The following PTPRM variants were observed in gnomAD, a reference collection of about 807,000 sequenced individuals.
PTPRM encodes receptor-type tyrosine-protein phosphatase mu.
Under a neutral mutation model 186.7 loss-of-function variants are expected in PTPRM, and 47 were observed. The ratio of observed to expected loss-of-function variants is 0.25; its 90% CI spans 0.20 to 0.32. The LOEUF (loss-of-function observed/expected upper bound fraction) is 0.32. Among genes scored for constraint, PTPRM ranks in the 10% least tolerant of loss-of-function variants. PTPRM has a pLI of 1.00. For synonymous variants in PTPRM, 668 were observed against 674.9 expected (o/e 0.99, Z 0.16); for missense variants, 1,494 against 1,865.0 (o/e 0.80, Z 3.66).
Position 8,076,558 on chromosome 18 carries a change from A to G in PTPRM, c.1545A>G (p.Leu515=), listed in dbSNP as rs758750378. 2 of 1,452,716 alleles carry G rather than the reference A, an allele frequency of 1.4e-6. No homozygotes were observed. The highest frequency in any genetic ancestry group is 1.9e-6 in the Non-Finnish European group (2 of 1,038,304). 90.0% of individuals were successfully genotyped at this position (1,452,716 alleles called of 1,614,324 possible). A position where few individuals can be genotyped will look rare whatever the true frequency, so the allele number is the denominator to read the frequency against. ...EPTQTYGVIT[L]YEITYKAVSS... ...CTCAAACATATGGTGTAATCACTTT[A>G]TATGAGGTAATATATATGTTTGTTA... is the stretch of plus-strand genomic sequence containing the variant. The change falls in exon 9 of 33, where the codon TTA becomes TTG. Residue 515 remains leucine (L), a synonymous_variant. Transcript: ENST00000580170.
intron 1 of PTPRM, among the ~76,000 whole-genome samples, chr18:7,771,657 A>C (rs1356850437): frequency 1.3e-5 from 2 of 152,218 alleles, no homozygotes; most frequent in African/African-American, 4.8e-5. Context: ...TAATTTCACC[A>C]TCAGATCTGG....
intron 7 of PTPRM, among the ~76,000 whole-genome samples, chr18:8,014,392 T>A (rs2084728527): frequency 1.3e-5 from 2 of 152,204 alleles, no homozygotes; most frequent in South Asian, 4.1e-4. Context: ...AGAAGTGACA[T>A]TTTCCTGGAT....
chr18:7,705,051 A>C (rs1438923504), intron 1 of PTPRM, among the ~76,000 whole-genome samples: 1 of 152,166 alleles, frequency 6.6e-6, no homozygotes, highest in African/African-American at 2.4e-5. Context: ...TTGAAAATAA[A>C]GTAAATGTGA....
intron 2 of PTPRM, among the ~76,000 whole-genome samples, chr18:7,882,983 A>G (rs1471145692): frequency 6.6e-6 from 1 of 152,236 alleles, no homozygotes; most frequent in Non-Finnish European, 1.5e-5. Context: ...GCATGTTCTT[A>G]TCAAAGAGTT....
intron 7 of PTPRM, among the ~76,000 whole-genome samples, chr18:8,050,461 T>C (rs2087402987): frequency 1.3e-5 from 2 of 151,954 alleles, no homozygotes. Flanking sequence ...TATTGAACTC[T>C]GATTAGTGAA....
rs1244097833 is a variant in PTPRM, at chr18:8,125,996, TATATATATATATATATATATA to T, written c.2167+11170_2167+11190del. ...GTATACATATATATATATATATATATATATATATATATATATATATATATATATATATTTTAAATCAGTAGA... is the reference window on the plus strand; with the variant it reads ...GTATACATATATATATATATATATATTATATATATATTTTAAATCAGTAGA... On this transcript the variant is annotated intron_variant, in intron 13 of 32. Transcript: ENST00000580170. Among the ~76,000 whole-genome samples the T allele has an allele frequency of 1.7e-3, 22 of 13,232 alleles. 2 individuals carry two copies. The highest frequency in any genetic ancestry group is 5.0e-3 in the South Asian group (2 of 402). The allele number at this position is 13,232 out of a possible 152,430, so 8.7% of individuals were successfully genotyped here.
chr18:7,964,030 A>G (rs1293774787), intron 7 of PTPRM, among the ~76,000 whole-genome samples: 1 of 152,156 alleles, frequency 6.6e-6, no homozygotes, highest in Non-Finnish European at 1.5e-5. Flanking sequence ...AATCTCTTAT[A>G]TATTTAGTAA....
chr18:8,314,847 AT>A lies in PTPRM; in HGVS notation c.2911del (p.Tyr971IlefsTer40). ...ACAAACTCAGACTATATCAATGGCA[AT>A]TATATCGATGTATGTATTTTATTAT... ...GDTNSDYING[N>X]YIDGYHRPNH... On this transcript the variant is annotated frameshift_variant, in exon 21 of 33. Coordinates refer to ENST00000580170, the MANE Select transcript of PTPRM (RefSeq NM_001105244.2). LOFTEE classifies it high-confidence loss of function. The A allele has an allele frequency of 6.3e-7, 1 of 1,589,020 alleles. No homozygotes were observed. The highest frequency in any genetic ancestry group is 1.3e-5 in the African/African-American group (1 of 74,464).
intron 22 of PTPRM, among the ~76,000 whole-genome samples, chr18:8,335,693 T>A (rs756887041): frequency 1.3e-5 from 2 of 152,142 alleles, no homozygotes; most frequent in African/African-American, 4.8e-5. Context: ...CCAAGAAAAT[T>A]TGGCTCTCCT....
intron 7 of PTPRM, among the ~76,000 whole-genome samples, chr18:8,013,292 C>T (rs574645187): frequency 1.4e-3 from 220 of 152,062 alleles, no homozygotes; most frequent in African/African-American, 4.9e-3. Flanking sequence ...GCTGGGGAAC[C>T]ACAGTTGAAA....
chr18:7,879,743 T>C (rs1244302313), intron 2 of PTPRM, among the ~76,000 whole-genome samples: 1 of 152,148 alleles, frequency 6.6e-6, no homozygotes, highest in Non-Finnish European at 1.5e-5. Flanking sequence ...CCTAGATTCA[T>C]GTGGAATTCT....
At chr18:8,314,890 ATTG>A (rs754672122) in intron 21 of PTPRM, 33 bp downstream of exon 21, 15 of 1,368,600 alleles carry the variant, frequency 1.1e-5, no homozygotes, top group Middle Eastern at 1.8e-4. Context: ...TTGATATATA[ATTG>A]TTGTACATAT....
intron 19 of PTPRM, among the ~76,000 whole-genome samples, chr18:8,289,539 T>TATATATACATATATATACAC (rs1458187817): frequency 5.5e-4 from 31 of 56,846 alleles, no homozygotes; most frequent in African/African-American, 3.7e-3. Flanking sequence ...TATATACACA[T>TATATATACATATATATACAC]ATATATATAT....
chr18:7,762,324 T>TG (rs2041812817), intron 1 of PTPRM, among the ~76,000 whole-genome samples: 1 of 151,538 alleles, frequency 6.6e-6, no homozygotes, highest in Non-Finnish European at 1.5e-5. Context: ...AAGCAGATGC[T>TG]GGGGGAGGGG....
chr18:8,213,113 C>T (rs2094029855), intron 14 of PTPRM, among the ~76,000 whole-genome samples: 1 of 152,198 alleles, frequency 6.6e-6, no homozygotes, highest in Non-Finnish European at 1.5e-5. Flanking sequence ...GCACCCTGTC[C>T]ACTTGCCTGT....
intron 1 of PTPRM, among the ~76,000 whole-genome samples, chr18:7,685,266 G>C (rs944326477): frequency 7.2e-5 from 11 of 152,120 alleles, no homozygotes; most frequent in Admixed American, 1.3e-4. Flanking sequence ...ACTGTTATTT[G>C]CTGGCCTGAT....
intron 1 of PTPRM, among the ~76,000 whole-genome samples, chr18:7,771,344 A>T (rs1222086746): frequency 6.6e-6 from 1 of 152,198 alleles, no homozygotes; most frequent in African/African-American, 2.4e-5. Context: ...TAGAATACTG[A>T]AGCTGTTTTC....
chr18:7,672,087 A>G (rs2039229559), intron 1 of PTPRM, among the ~76,000 whole-genome samples: 1 of 152,224 alleles, frequency 6.6e-6, no homozygotes, highest in Non-Finnish European at 1.5e-5. Flanking sequence ...TTATTTTTAG[A>G]AACGGGCTTC....
At chr18:7,664,708 C>A (rs2039058541) in intron 1 of PTPRM, among the ~76,000 whole-genome samples, 1 of 152,168 alleles carries the variant, frequency 6.6e-6, no homozygotes, top group South Asian at 2.1e-4. Flanking sequence ...CTATGGGAAC[C>A]ACAGAGTCAC....
Sources: gnomAD v4.1 joint callset for allele counts (sites outside exome capture counted in the v4.1 genomes callset) on GRCh38, gnomAD v4.1.1 for gene constraint, MANE v1.5 for transcripts, NCBI Gene and HGNC (gene_info 2026-07-23, HGNC 2026-07-21) for gene names.